The following ITFG1 variants were observed in gnomAD, a reference collection of about 807,000 sequenced individuals.
ITFG1 encodes the protein integrin alpha FG-GAP repeat containing 1.
A neutral mutation model predicts 81.8 loss-of-function variants in ITFG1; 34 were observed. That is an observed-to-expected ratio of 0.42 (90% CI 0.32 to 0.55). The LOEUF (loss-of-function observed/expected upper bound fraction) is 0.55, where lower values mean the gene tolerates loss of function less well. ITFG1 is among the 20% of genes least tolerant of loss of function. The pLI is 0.17. For synonymous variants in ITFG1, 285 were observed against 270.6 expected, an observed-to-expected ratio of 1.05 and a Z score of -0.52; for missense variants, 672 against 755.4, an observed-to-expected ratio of 0.89 and a Z score of 1.29.
chr16:47,381,652 G>C (rs1359087896), intron 6 of ITFG1, among the ~76,000 whole-genome samples: 1 of 152,058 alleles, frequency 6.6e-6, no homozygotes, highest in Non-Finnish European at 1.5e-5. Flanking sequence ...GTTTCTCTTA[G>C]GCCTAGTTAT....
At chr16:47,372,370 G>A (rs953976914) in intron 7 of ITFG1, among the ~76,000 whole-genome samples, 2 of 151,748 alleles carry the variant, frequency 1.3e-5, no homozygotes, top group African/African-American at 4.8e-5. Flanking sequence ...TCAGCCTCCT[G>A]AGTAGTTGGG....
At position 47,237,948 on chromosome 16, in the gene ITFG1, G is replaced by A. The variant is rs1474756497; in HGVS notation, c.1374+17C>T. On this transcript the variant is annotated intron_variant, in intron 13 of 17. Coordinates refer to ENST00000320640, the MANE Select transcript of ITFG1 (RefSeq NM_030790.5). ...AATTTTCATAGACATATTTATAACAGATATAAATTTACTTACTGTTATCTT... is the reference window on the plus strand; with the variant it reads ...AATTTTCATAGACATATTTATAACAAATATAAATTTACTTACTGTTATCTT... 1.7e-6 allele frequency: 2 copies of A among 1,150,224 alleles called. No individual in the cohort carries two copies. Among genetic ancestry groups the A allele is most frequent in the East Asian group, 5.2e-5 (2 of 38,168 alleles). The allele number at this position is 1,150,224 out of a possible 1,614,324, so 71.3% of individuals were successfully genotyped here.
At chr16:47,234,851 CTG>C (rs1206914047) in intron 13 of ITFG1, among the ~76,000 whole-genome samples, 1 of 152,180 alleles carries the variant, frequency 6.6e-6, no homozygotes, top group Admixed American at 6.5e-5. Flanking sequence ...TGGAAGGTAA[CTG>C]AATCACAGGA....
At chr16:47,305,653 G>T (rs775845557) in intron 10 of ITFG1, among the ~76,000 whole-genome samples, 2 of 152,154 alleles carry the variant, frequency 1.3e-5, no homozygotes, top group African/African-American at 2.4e-5. Context: ...GAGGTTACCT[G>T]CAATGAACAA....
chr16:47,272,714 C>G (rs1323252896), intron 10 of ITFG1, among the ~76,000 whole-genome samples: 1 of 151,550 alleles, frequency 6.6e-6, no homozygotes, highest in African/African-American at 2.4e-5. Flanking sequence ...CTTTTAAAAG[C>G]CACTAAATTG....
At chr16:47,332,491 T>C (rs1967649289) in intron 8 of ITFG1, among the ~76,000 whole-genome samples, 1 of 152,198 alleles carries the variant, frequency 6.6e-6, no homozygotes, top group Non-Finnish European at 1.5e-5. Flanking sequence ...TGGTGTTTCA[T>C]TTACATATTT....
upstream of ITFG1, chr16:47,461,158 C>G: frequency 1.8e-6 from 2 of 1,114,280 alleles, no homozygotes; most frequent in Non-Finnish European, 2.5e-6. Flanking sequence ...GTAAGAGCCG[C>G]TGCCGGCTCC....
chr16:47,369,103 GCAT>G (rs1441509713), intron 7 of ITFG1, among the ~76,000 whole-genome samples: 1 of 152,000 alleles, frequency 6.6e-6, no homozygotes, highest in Non-Finnish European at 1.5e-5. Context: ...TTAATAAACT[GCAT>G]CATCAATATA....
chr16:47,195,268 T>C (rs1965344260), intron 14 of ITFG1, among the ~76,000 whole-genome samples: 1 of 152,184 alleles, frequency 6.6e-6, no homozygotes, highest in Non-Finnish European at 1.5e-5. Context: ...TTTGAAGACA[T>C]AGGTTATTAA....
At chr16:47,261,965 G>A (rs1248101108) in intron 10 of ITFG1, among the ~76,000 whole-genome samples, 1 of 152,246 alleles carries the variant, frequency 6.6e-6, no homozygotes, top group Non-Finnish European at 1.5e-5. Context: ...GAGACACCAT[G>A]TCTGCCCTCT....
intron 8 of ITFG1, among the ~76,000 whole-genome samples, chr16:47,328,567 G>A (rs1372306139): frequency 6.6e-6 from 1 of 151,890 alleles, no homozygotes; most frequent in East Asian, 1.9e-4. Flanking sequence ...TCTTACACAC[G>A]GTGTTAAAAC....
intron 5 of ITFG1, among the ~76,000 whole-genome samples, chr16:47,433,242 T>C (rs533083987): frequency 6.6e-6 from 1 of 152,356 alleles, no homozygotes; most frequent in African/African-American, 2.4e-5. Flanking sequence ...ATCAGCCAAA[T>C]TGAGCATAAA....
chr16:47,437,988 A>G (rs1356650695), intron 5 of ITFG1, among the ~76,000 whole-genome samples: 1 of 152,138 alleles, frequency 6.6e-6, no homozygotes, highest in African/African-American at 2.4e-5. Flanking sequence ...CCACCCTAAT[A>G]CTGTGCTTTT....
chr16:47,314,955 G>T (rs1191145312), intron 8 of ITFG1, among the ~76,000 whole-genome samples: 1 of 150,958 alleles, frequency 6.6e-6, no homozygotes, highest in African/African-American at 2.4e-5. Flanking sequence ...GTATTCAAAA[G>T]GAAAAAAAAA....
In ITFG1 at chr16:47,313,823, T is replaced by C. The variant is rs1485342553; in HGVS notation, c.803A>G (p.Asp268Gly). 4 of 1,587,398 alleles carry C rather than the reference T, an allele frequency of 2.5e-6. No homozygotes were observed. Among genetic ancestry groups the C allele is most frequent in the Non-Finnish European group, 3.4e-6 (4 of 1,165,620 alleles). ...VVGQSAFADF[D>G]GDGHMDHLLP... ...TAAATGATCCATGTGTCCATCTCCA[T>C]CTGCCAAAAGAAACTTCAAGAGTCC... The change falls in exon 9 of 18, where the codon GAT becomes GGT. Residue 268 changes from aspartate to glycine, a missense_variant and splice_region_variant. By Grantham distance (94) the Asp-to-Gly change is moderately conservative (BLOSUM62 -1). Around this residue, in one of 3 missense-constraint regions of ITFG1, gnomAD observed 560 missense variants for 625.7 expected, o/e 0.90. Coordinates refer to ENST00000320640, the MANE Select transcript of ITFG1 (RefSeq NM_030790.5).
chr16:47,261,370 G>A (rs1486368302), intron 10 of ITFG1, among the ~76,000 whole-genome samples: 1 of 152,178 alleles, frequency 6.6e-6, no homozygotes, highest in East Asian at 1.9e-4. Context: ...AGTACTTAGA[G>A]CATAGGTTGT....
At chr16:47,324,507 G>A (rs1010646948) in intron 8 of ITFG1, among the ~76,000 whole-genome samples, 2 of 152,150 alleles carry the variant, frequency 1.3e-5, no homozygotes, top group Admixed American at 6.5e-5. Context: ...AAATGTAAAT[G>A]GGTTAAATGC....
chr16:47,287,281 T>C (rs1346361135), intron 10 of ITFG1, among the ~76,000 whole-genome samples: 3 of 152,192 alleles, frequency 2.0e-5, no homozygotes, highest in African/African-American at 4.8e-5. Flanking sequence ...GGGATCTTGC[T>C]CTATTGCCCG....
intron 14 of ITFG1, among the ~76,000 whole-genome samples, chr16:47,186,234 G>C (rs1258141003): frequency 6.6e-6 from 1 of 152,196 alleles, no homozygotes; most frequent in African/African-American, 2.4e-5. Context: ...AACAGAAAAA[G>C]AGGGAATCCT....
Sources: gnomAD v4.1 joint callset for allele counts (sites outside exome capture counted in the v4.1 genomes callset) on GRCh38, gnomAD v4.1.1 for gene constraint, gnomAD v4.1.1 regional missense constraint, MANE v1.5 for transcripts, NCBI Gene and HGNC (gene_info 2026-07-23, HGNC 2026-07-21) for gene names.